Variants in CFAP57 observed in about 807,000 individuals in gnomAD.
The protein encoded by CFAP57 is cilia- and flagella-associated protein 57.
CFAP57 carries 116 observed loss-of-function variants against 146.8 expected under a neutral mutation model. The ratio of observed to expected loss-of-function variants is 0.79; its 90% CI spans 0.68 to 0.92. The LOEUF is 0.92. Among genes scored for constraint, CFAP57 ranks in the 40% least tolerant of loss-of-function variants. The probability of loss-of-function intolerance (pLI) is 0.00; values close to 1 mark genes in which losing one functional copy is unlikely to be tolerated. For missense variants in CFAP57, 1,377 were observed against 1,527.2 expected (o/e 0.90, Z 1.64); for synonymous variants, 518 against 552.8 (o/e 0.94, Z 0.88).
In CFAP57 at chr1:43,216,227, GA is replaced by G. The variant is rs562342835; in HGVS notation, c.2091+812del. Among the ~76,000 whole-genome samples the G allele has an allele frequency of 2.2e-3, 340 of 152,314 alleles. 1 individual carries two copies. The highest frequency in any genetic ancestry group is 7.5e-3 in the African/African-American group (313 of 41,566). On this transcript the variant is annotated intron_variant, in intron 12 of 22. Transcript: ENST00000372492. ...GTGAAAAGACAGTTGTGGGCCCTGT[GA>G]CATGACCAGGAAGCTTACAGTCAAG...
intron 17 of CFAP57, among the ~76,000 whole-genome samples, chr1:43,225,333 T>A (rs1357269238): frequency 6.6e-6 from 1 of 152,196 alleles, no homozygotes; most frequent in African/African-American, 2.4e-5. Context: ...AAGACCTAGG[T>A]AGTAAATATT....
intron 11 of CFAP57, among the ~76,000 whole-genome samples, 191 bp from the exon 12 acceptor site, chr1:43,215,064 T>C (rs1644781012): frequency 6.6e-6 from 1 of 152,232 alleles, no homozygotes. Flanking sequence ...AATGTAGACG[T>C]AACCTTACTT....
chr1:43,208,330 G>C (rs992799133), intron 10 of CFAP57, among the ~76,000 whole-genome samples: 1 of 152,148 alleles, frequency 6.6e-6, no homozygotes, highest in African/African-American at 2.4e-5. Flanking sequence ...AAATTATGCT[G>C]CTATAAAGAC....
At chr1:43,197,198 CA>C (rs1454808169) in intron 6 of CFAP57, among the ~76,000 whole-genome samples, 2 of 150,478 alleles carry the variant, frequency 1.3e-5, no homozygotes, top group African/African-American at 2.4e-5. Flanking sequence ...ACTAAAAATA[CA>C]AAAAAAAATT....
intron 9 of CFAP57, among the ~76,000 whole-genome samples, chr1:43,202,782 C>CAA (rs1190648434): frequency 8.0e-6 from 1 of 124,864 alleles, no homozygotes; most frequent in African/African-American, 3.1e-5. Context: ...GACCCTACCT[C>CAA]AAAAAAAAAA....
At chr1:43,248,319 CTTTT>C (rs763437285) in intron 22 of CFAP57, among the ~76,000 whole-genome samples, 2 of 133,460 alleles carry the variant, frequency 1.5e-5, no homozygotes, top group African/African-American at 2.8e-5. Flanking sequence ...AAAAAATTTT[CTTTT>C]TTTTTTTTTT....
Position 43,209,723 on chromosome 1 carries a change from C to T in CFAP57, c.1756-20C>T. 4.3e-6 allele frequency: 7 copies of T among 1,610,814 alleles called. No individual in the cohort carries two copies. Among genetic ancestry groups the T allele is most frequent in the Non-Finnish European group, 5.1e-6 (6 of 1,177,924 alleles). Reference sequence around the variant, plus strand: ...CCACAGCTCGACCCCTCACACTGAGCAGAGCTGCCTGTGTCTCAGATCCTT... The same window carrying T: ...CCACAGCTCGACCCCTCACACTGAGTAGAGCTGCCTGTGTCTCAGATCCTT... On this transcript the variant is annotated intron_variant, in intron 10 of 22. Coordinates refer to ENST00000372492, the MANE Select transcript of CFAP57 (RefSeq NM_001378189.1).
At chr1:43,175,842 T>C (rs1216947119) in intron 2 of CFAP57, among the ~76,000 whole-genome samples, 8 of 150,854 alleles carry the variant, frequency 5.3e-5, no homozygotes, top group Admixed American at 5.3e-4. Context: ...TGAACTCTTA[T>C]TTGGATTTTT....
intron 12 of CFAP57, among the ~76,000 whole-genome samples, chr1:43,218,948 T>A (rs1476724966): frequency 6.6e-6 from 1 of 152,180 alleles, no homozygotes; most frequent in Non-Finnish European, 1.5e-5. Flanking sequence ...GGAGCTTAAG[T>A]TCTGATGGGG....
At chr1:43,220,984 A>C (rs970398657) in intron 13 of CFAP57, among the ~76,000 whole-genome samples, 1 of 152,180 alleles carries the variant, frequency 6.6e-6, no homozygotes, top group Non-Finnish European at 1.5e-5. Flanking sequence ...TTTCCTGCTC[A>C]GTTAAAGAAA....
At position 43,172,878 on chromosome 1, in the gene CFAP57, A is replaced by G. The variant is rs778843315; in HGVS notation, c.125A>G (p.Asn42Ser). ...TCAGGAAATCACTGTGTGAAGTACA[A>G]TGTGGATCAGAAATGGCAAAAATTC... ...FPSGNHCVKY[N>S]VDQKWQKFIP... is the part of the protein sequence containing the mutation. The change falls in exon 2 of 23, where the codon AAT becomes AGT. Residue 42 changes from asparagine (N) to serine (S), a missense_variant. By Grantham distance (46) the Asn-to-Ser change is conservative. Coordinates refer to ENST00000372492, the MANE Select transcript of CFAP57 (RefSeq NM_001378189.1). The G allele has an allele frequency of 9.3e-6, 15 of 1,614,004 alleles. No homozygotes were observed. In the African/African-American group the frequency reaches 1.1e-4, roughly 11 times the overall value.
Position 43,249,762 on chromosome 1 carries a change from G to T in CFAP57, c.3539-4215G>T, listed in dbSNP as rs1013090939. On this transcript the variant is annotated intron_variant, in intron 22 of 22. Transcript: ENST00000372492. ...GCCTGGCCCAACCATTTTCTTAATA[G>T]CCAGTGAACATCAGGTGCTCACCTA... is the stretch of plus-strand genomic sequence containing the variant. Among the ~76,000 whole-genome samples, 2 of 151,816 alleles carry T rather than the reference G, an allele frequency of 1.3e-5. 1 individual carries two copies. Among genetic ancestry groups the T allele is most frequent in the Non-Finnish European group, 2.9e-5 (2 of 67,950 alleles).
chr1:43,192,026 G>C (rs1210448960), intron 6 of CFAP57, among the ~76,000 whole-genome samples: 3 of 151,544 alleles, frequency 2.0e-5, no homozygotes, highest in African/African-American at 7.3e-5. Flanking sequence ...TTAAATTTCT[G>C]CTTATTTGTG....
intron 2 of CFAP57, among the ~76,000 whole-genome samples, chr1:43,179,138 G>T (rs1036810483): frequency 6.6e-6 from 1 of 152,098 alleles, no homozygotes; most frequent in Non-Finnish European, 1.5e-5. Flanking sequence ...CCTGTTGTGG[G>T]GTGCGGGGAG....
At position 43,254,355 on chromosome 1, in the gene CFAP57, C is replaced by A; in HGVS notation, c.*164C>A. 1 of 619,460 alleles carries A rather than the reference C, an allele frequency of 1.6e-6. No individual in the cohort carries two copies. The highest frequency in any genetic ancestry group is 2.7e-6 in the Non-Finnish European group (1 of 368,728). 38.4% of individuals were successfully genotyped at this position (619,460 alleles called of 1,614,324 possible). ...GGGACACAGAATAAAGGTGTTTGCC[C>A]ACACCTTGTCTAACTTCTGCTTAGC... On this transcript the variant is annotated 3_prime_UTR_variant, in exon 23 of 23. Transcript: ENST00000372492.
intron 6 of CFAP57, among the ~76,000 whole-genome samples, chr1:43,188,076 T>C (rs1161933412): frequency 6.6e-6 from 1 of 152,196 alleles, no homozygotes; most frequent in African/African-American, 2.4e-5. Context: ...AGTGTTGGGA[T>C]TACAAGTGTG....
intron 17 of CFAP57, among the ~76,000 whole-genome samples, chr1:43,226,729 G>A (rs1426559577): frequency 6.6e-6 from 1 of 152,256 alleles, no homozygotes; most frequent in African/African-American, 2.4e-5. Flanking sequence ...GCCATCGTTG[G>A]AAAATACCGC....
chr1:43,208,655 G>T (rs1308816959), intron 10 of CFAP57, among the ~76,000 whole-genome samples: 4 of 152,162 alleles, frequency 2.6e-5, no homozygotes, highest in Admixed American at 2.6e-4. Flanking sequence ...GGGATGGGGG[G>T]AACAGGGAGG....
intron 22 of CFAP57, among the ~76,000 whole-genome samples, 179 bp downstream of exon 22, chr1:43,243,538 C>T (rs955867530): frequency 4.6e-5 from 7 of 152,164 alleles, no homozygotes; most frequent in Non-Finnish European, 7.3e-5. Flanking sequence ...TCCCACACTC[C>T]GACACACACA....
Sources: gnomAD v4.1 joint callset for allele counts (sites outside exome capture counted in the v4.1 genomes callset) on GRCh38, gnomAD v4.1.1 for gene constraint, MANE v1.5 for transcripts, NCBI Gene and HGNC (gene_info 2026-07-23, HGNC 2026-07-21) for gene names.